The following CLNK variants were observed in gnomAD, a reference collection of about 807,000 sequenced individuals.
CLNK encodes the protein cytokine dependent hematopoietic cell linker, also known as cytokine-dependent hematopoietic cell linker.
A neutral mutation model predicts 68.6 loss-of-function variants in CLNK; 74 were observed. That is an observed-to-expected ratio of 1.08 (90% CI 0.89 to 1.31). The LOEUF (loss-of-function observed/expected upper bound fraction) is 1.31. CLNK is among the 50% of genes most tolerant of loss of function. The probability of loss-of-function intolerance (pLI) is 0.00; values close to 1 mark genes in which losing one functional copy is unlikely to be tolerated. For missense variants in CLNK, 553 were observed against 515.3 expected, an observed-to-expected ratio of 1.07 and a Z score of -0.71; for synonymous variants, 198 against 172.2, an observed-to-expected ratio of 1.15 and a Z score of -1.17.
Position 10,520,783 on chromosome 4 carries a change from G to A in CLNK, c.772+8C>T. 1 of 1,597,944 alleles carries A rather than the reference G, an allele frequency of 6.3e-7. No individual in the cohort carries two copies. The highest frequency in any genetic ancestry group is 8.6e-7 in the Non-Finnish European group (1 of 1,168,068). Reference sequence around the variant, plus strand: ...CTGTTTATTTTATAATTCTGAAAGTGCTCTTACCTCTGTTTTGCACACTGT... The same window carrying A: ...CTGTTTATTTTATAATTCTGAAAGTACTCTTACCTCTGTTTTGCACACTGT... On this transcript the variant is annotated splice_region_variant and intron_variant, in intron 15 of 18. Coordinates refer to ENST00000226951, the MANE Select transcript of CLNK (RefSeq NM_052964.4).
chr4:10,603,430 C>A (rs146380927), intron 2 of CLNK, among the ~76,000 whole-genome samples: 1 of 152,172 alleles, frequency 6.6e-6, no homozygotes, highest in South Asian at 2.1e-4. Context: ...CCTATGAGAC[C>A]AGTCCTATTC....
chr4:10,492,955 T>C (rs1237942309), intron 18 of CLNK, among the ~76,000 whole-genome samples: 1 of 152,194 alleles, frequency 6.6e-6, no homozygotes, highest in Non-Finnish European at 1.5e-5. Context: ...TTCTGAAACC[T>C]TTACTGGATC....
Position 10,587,290 on chromosome 4 carries a change from C to T in CLNK, c.84-2335G>A, listed in dbSNP as rs531203709. 2.0e-5 allele frequency among the ~76,000 whole-genome samples: 3 copies of T among 152,294 alleles called. No homozygotes were observed. The East Asian group carries it at 5.8e-4, about 29-fold the overall frequency. ...CTCATTTTCTGACAAGGTCTTTGCA[C>T]AGCCACAATCCAACCATTGGATGGG... On this transcript the variant is annotated intron_variant, in intron 3 of 18. Transcript: ENST00000226951.
chr4:10,568,127 A>C (rs377184325), intron 5 of CLNK, among the ~76,000 whole-genome samples: 3 of 152,266 alleles, frequency 2.0e-5, no homozygotes, highest in African/African-American at 7.2e-5. Flanking sequence ...AAGTGGAAAT[A>C]ACCCAAGTAT....
At position 10,528,106 on chromosome 4, in the gene CLNK, T is replaced by C; in HGVS notation, c.631-12A>G. ...TCTGCTTCAAGGACCTGTATTGAAT[T>C]AAAAAAAATAAAATTTACTGACTCT... On this transcript the variant is annotated splice_polypyrimidine_tract_variant and intron_variant, in intron 12 of 18. Transcript: ENST00000226951. 1 of 1,273,270 alleles carries C rather than the reference T, an allele frequency of 7.9e-7. No individual in the cohort carries two copies. The highest frequency in any genetic ancestry group is 2.2e-5 in the South Asian group (1 of 45,988). The allele number at this position is 1,273,270 out of a possible 1,614,324, so 78.9% of individuals were successfully genotyped here.
intron 2 of CLNK, among the ~76,000 whole-genome samples, chr4:10,599,601 T>C (rs1328316060): frequency 2.0e-5 from 3 of 152,204 alleles, no homozygotes; most frequent in South Asian, 2.1e-4. Context: ...ATCTTTCTAA[T>C]TGGTTATTTC....
At chr4:10,624,593 GTTTTTTT>G (rs10559473) in intron 2 of CLNK, among the ~76,000 whole-genome samples, 48 of 122,860 alleles carry the variant, frequency 3.9e-4, no homozygotes, top group African/African-American at 6.4e-4. Context: ...CGCCCGGCCA[GTTTTTTT>G]TTTTTTTTTT....
chr4:10,664,511 G>T lies in CLNK; in HGVS notation c.11+3348C>A, dbSNP rs139508105. On this transcript the variant is annotated intron_variant, in intron 2 of 18. Coordinates refer to ENST00000226951, the MANE Select transcript of CLNK (RefSeq NM_052964.4). ...ACATGTGGCTCCTTCTCTGAGTCAT[G>T]CCTTGGCGACTGCTGTGGATAAGTT... Among the ~76,000 whole-genome samples, 1,075 of 152,282 alleles carry T rather than the reference G, an allele frequency of 7.1e-3. 9 individuals carry two copies. The highest frequency in any genetic ancestry group is 0.024 in the African/African-American group (1,007 of 41,560).
intron 8 of CLNK, among the ~76,000 whole-genome samples, chr4:10,544,338 G>T (rs1351676449): frequency 6.6e-6 from 1 of 152,176 alleles, no homozygotes; most frequent in Non-Finnish European, 1.5e-5. Context: ...GTATGTGTTA[G>T]GTATGGACTC....
chr4:10,638,175 C>T (rs970583185), intron 2 of CLNK, among the ~76,000 whole-genome samples: 1 of 152,176 alleles, frequency 6.6e-6, no homozygotes, highest in Non-Finnish European at 1.5e-5. Context: ...TGTGAGAACA[C>T]CGACTGCAGA....
chr4:10,610,324 G>C (rs1486288538), intron 2 of CLNK, among the ~76,000 whole-genome samples: 1 of 149,720 alleles, frequency 6.7e-6, no homozygotes, highest in Non-Finnish European at 1.5e-5. Context: ...GATTACAGGC[G>C]TGAGCCACCG....
At chr4:10,699,291 T>TAC in the CLNK span, among the ~76,000 whole-genome samples, 4 of 57,912 alleles carry the variant, frequency 6.9e-5, no homozygotes, top group Admixed American at 1.5e-4. Flanking sequence ...CATACGTGTA[T>TAC]ACACACACAC....
chr4:10,720,799 T>TA, the CLNK span, among the ~76,000 whole-genome samples: 1 of 151,254 alleles, frequency 6.6e-6, no homozygotes, highest in Non-Finnish European at 1.5e-5. Context: ...GACAGTTTCT[T>TA]AAAAAAATAA....
chr4:10,490,379 C>T lies in CLNK; in HGVS notation c.*88G>A. On this transcript the variant is annotated 3_prime_UTR_variant, in exon 19 of 19. Transcript: ENST00000226951. ...TTCTCCAAAGTTAAAAAAGTTGTCC[C>T]TTGAAGGCACAGAAAATAAACTTTT... 1.4e-6 allele frequency: 2 copies of T among 1,422,132 alleles called. No homozygotes were observed. The highest frequency in any genetic ancestry group is 1.9e-6 in the Non-Finnish European group (2 of 1,056,206). The allele number at this position is 1,422,132 out of a possible 1,614,324, so 88.1% of individuals were successfully genotyped here. A position where few individuals can be genotyped will look rare whatever the true frequency, so the allele number is the denominator to read the frequency against.
chr4:10,645,767 G>C (rs1233893869), intron 2 of CLNK, among the ~76,000 whole-genome samples: 3 of 152,150 alleles, frequency 2.0e-5, no homozygotes, highest in Non-Finnish European at 4.4e-5. Flanking sequence ...TAGTATTCAA[G>C]AGTACAGTAG....
rs778782465 is a variant in CLNK, at chr4:10,566,062, C to T, written c.239G>A (p.Trp80Ter). 9.9e-6 allele frequency: 16 copies of T among 1,613,756 alleles called. No homozygotes were observed. The highest frequency in any genetic ancestry group is 1.6e-4 in the Middle Eastern group (1 of 6,084). ...DDPELRMEET[W>*]QSIKILPARP... Reference sequence around the variant, plus strand: ...GGCTGGTAAAATTTTAATCGACTGCCATGTCTCTTCCATCCGAAGCTCAGG... The same window carrying T: ...GGCTGGTAAAATTTTAATCGACTGCTATGTCTCTTCCATCCGAAGCTCAGG... The change falls in exon 6 of 19, where the codon TGG becomes TAG. Residue 80 changes from tryptophan to a stop codon, truncating the protein, a stop_gained. Transcript: ENST00000226951. LOFTEE classifies it high-confidence loss of function.
At chr4:10,720,797 C>T in the CLNK span, among the ~76,000 whole-genome samples, 1 of 151,262 alleles carries the variant, frequency 6.6e-6, no homozygotes, top group Admixed American at 6.6e-5. Context: ...TTGACAGTTT[C>T]TTAAAAAAAT....
intron 2 of CLNK, among the ~76,000 whole-genome samples, chr4:10,667,607 G>A (rs184615730): frequency 6.6e-5 from 10 of 152,034 alleles, no homozygotes; most frequent in South Asian, 4.2e-4. Flanking sequence ...CATGGTGCTC[G>A]GATATCTTGT....
At chr4:10,621,230 GC>G (rs1722444386) in intron 2 of CLNK, among the ~76,000 whole-genome samples, 1 of 152,158 alleles carries the variant, frequency 6.6e-6, no homozygotes, top group Non-Finnish European at 1.5e-5. Context: ...TCCTTGAAAC[GC>G]GATAGAAGTG....
Sources: gnomAD v4.1 joint callset for allele counts (sites outside exome capture counted in the v4.1 genomes callset) on GRCh38, gnomAD v4.1.1 for gene constraint, MANE v1.5 for transcripts, NCBI Gene and HGNC (gene_info 2026-07-23, HGNC 2026-07-21) for gene names.